STAT5A: variants seen among roughly 807,000 people sequenced by gnomAD.
STAT5A encodes the protein epididymis secretory sperm binding protein.
Under a neutral mutation model 100.2 loss-of-function variants are expected in STAT5A, and 26 were observed. The ratio of observed to expected loss-of-function variants is 0.26; its 90% CI spans 0.19 to 0.36. The LOEUF is 0.36. STAT5A is among the 10% of genes least tolerant of loss of function. STAT5A has a pLI of 1.00. For missense variants in STAT5A, 634 were observed against 1,027.5 expected, an observed-to-expected ratio of 0.62 and a Z score of 5.24; for synonymous variants, 330 against 424.3, an observed-to-expected ratio of 0.78 and a Z score of 2.73.
At chr17:42,297,897 G>A (rs961151709) in intron 5 of STAT5A, among the ~76,000 whole-genome samples, 1 of 151,860 alleles carries the variant, frequency 6.6e-6, no homozygotes, top group Non-Finnish European at 1.5e-5. Flanking sequence ...AGAGTGACGT[G>A]GCCCTCAGGG....
intron 1 of STAT5A, 81 bp from the exon 2 acceptor site, chr17:42,289,321 G>A (rs1187238436): frequency 2.8e-6 from 4 of 1,432,856 alleles, no homozygotes; most frequent in Non-Finnish European, 3.7e-6. Context: ...TCCAGGGATA[G>A]GTAGGCATGG....
At chr17:42,296,071 C>T in intron 5 of STAT5A, among the ~76,000 whole-genome samples, 1 of 152,170 alleles carries the variant, frequency 6.6e-6, no homozygotes, top group East Asian at 1.9e-4. Context: ...AGTAACTTGG[C>T]CTAGGTTGCC....
intron 15 of STAT5A, 39 bp downstream of exon 15, chr17:42,307,762 C>G (rs774883767): frequency 5.0e-6 from 8 of 1,602,336 alleles, no homozygotes; most frequent in African/African-American, 2.7e-5. Context: ...CCCCAAGGCC[C>G]GGTCTCTTGT....
Position 42,289,846 on chromosome 17 carries a change from C to G in STAT5A, c.129-20C>G, listed in dbSNP as rs778300178. 4 of 1,499,614 alleles carry G rather than the reference C, an allele frequency of 2.7e-6. No homozygotes were observed. Among genetic ancestry groups the G allele is most frequent in the Admixed American group, 2.4e-5 (1 of 41,714 alleles). The allele number at this position is 1,499,614 out of a possible 1,614,324, so 92.9% of individuals were successfully genotyped here. ...CAAGGAGGTGCCACAGTAGGTTTTTCTCTTCTGCCCTGCCCCAAGGGATGC... is the reference window on the plus strand; with the variant it reads ...CAAGGAGGTGCCACAGTAGGTTTTTGTCTTCTGCCCTGCCCCAAGGGATGC... On this transcript the variant is annotated intron_variant, in intron 2 of 18. Transcript: ENST00000590949.
At chr17:42,305,450 C>T (rs562821913) in intron 11 of STAT5A, among the ~76,000 whole-genome samples, 160 bp from the exon 12 acceptor site, 5 of 151,468 alleles carry the variant, frequency 3.3e-5, no homozygotes, top group African/African-American at 1.2e-4. Flanking sequence ...TGTGGTGAGC[C>T]GAGATTGCAC....
chr17:42,307,570 C>G (rs376982076), intron 14 of STAT5A, 23 bp from the exon 15 acceptor site: 284 of 1,613,930 alleles, frequency 1.8e-4, no homozygotes, highest in Non-Finnish European at 2.3e-4. Flanking sequence ...CCAGTGGTGA[C>G]GCTCAATGCT....
chr17:42,290,283 G>C (rs1231188331), intron 3 of STAT5A: 2 of 366,012 alleles, frequency 5.5e-6, no homozygotes, highest in Non-Finnish European at 9.7e-6. Context: ...CAGCAGAAGG[G>C]ATGGAGGGAG....
At chr17:42,301,581 C>T in intron 9 of STAT5A, 127 bp downstream of exon 9, 2 of 1,394,292 alleles carry the variant, frequency 1.4e-6, no homozygotes, top group Non-Finnish European at 1.9e-6. Context: ...GTCTCGAACT[C>T]CTGGACTCAT....
Position 42,307,670 on chromosome 17 carries a change from G to C in STAT5A, c.1853G>C (p.Arg618Pro). 6.2e-7 allele frequency: 1 copy of C among 1,614,062 alleles called. No homozygotes were observed. Among genetic ancestry groups the C allele is most frequent in the Non-Finnish European group, 8.5e-7 (1 of 1,180,016 alleles). ...INKPDGTFLL[R>P]FSDSEIGGIT... ...AAGCCCGACGGGACCTTCTTGTTGCGCTTTAGTGACTCAGAAATCGGGGGC... is the reference window on the plus strand; with the variant it reads ...AAGCCCGACGGGACCTTCTTGTTGCCCTTTAGTGACTCAGAAATCGGGGGC... The change falls in exon 15 of 19, where the codon CGC becomes CCC. Residue 618 changes from arginine to proline, a missense_variant. Physicochemically the swap from Arg to Pro is moderately radical, Grantham distance 103. Transcript: ENST00000590949.
At chr17:42,289,616 T>G in intron 2 of STAT5A, 77 bp downstream of exon 2, 2 of 1,549,270 alleles carry the variant, frequency 1.3e-6, no homozygotes, top group South Asian at 2.5e-5. Context: ...TTACTCATGG[T>G]GGTTTGGTGT....
intron 5 of STAT5A, among the ~76,000 whole-genome samples, chr17:42,298,573 G>A (rs1454005250): frequency 6.6e-6 from 1 of 150,866 alleles, no homozygotes; most frequent in Non-Finnish European, 1.5e-5. Context: ...CTGGGTTCAC[G>A]CCATTCTCCT....
intron 9 of STAT5A, among the ~76,000 whole-genome samples, chr17:42,302,951 T>TA (rs34899765): frequency 1.9e-3 from 222 of 116,182 alleles, no homozygotes; most frequent in Non-Finnish European, 2.2e-3. Context: ...AGACTCTGTT[T>TA]AAAAAAAAAA....
chr17:42,297,375 C>T (rs184927529), intron 5 of STAT5A, among the ~76,000 whole-genome samples: 4 of 152,222 alleles, frequency 2.6e-5, no homozygotes, highest in Admixed American at 2.0e-4. Context: ...CTTAGACTGT[C>T]GACAGTATTT....
chr17:42,288,214 T>C (rs1193763858), upstream of STAT5A: 2 of 152,178 alleles, frequency 1.3e-5, no homozygotes, highest in African/African-American at 4.8e-5. The surrounding 1 kb of genome is among the most constrained non-coding windows in gnomAD (Gnocchi z 4.8). Flanking sequence ...CCCCCGGCTA[T>C]TCTGACCCGC....
At chr17:42,305,548 G>A in intron 11 of STAT5A, 62 bp from the exon 12 acceptor site, 2 of 1,363,752 alleles carry the variant, frequency 1.5e-6, no homozygotes, top group Non-Finnish European at 2.1e-6. Flanking sequence ...TGGGCATGTT[G>A]CCTAAGCAGA....
intron 1 of STAT5A, 109 bp from the exon 2 acceptor site, chr17:42,289,293 G>A (rs1311734558): frequency 3.9e-6 from 5 of 1,277,168 alleles, no homozygotes; most frequent in East Asian, 2.8e-5. Flanking sequence ...GGAGGGGAGG[G>A]GCCTGGCCTG....
intron 3 of STAT5A, among the ~76,000 whole-genome samples, chr17:42,290,642 CA>C (rs2080861216): frequency 6.6e-6 from 1 of 152,116 alleles, no homozygotes; most frequent in African/African-American, 2.4e-5. Context: ...AGGGGGAAAA[CA>C]GGAGAAGCCT....
intron 13 of STAT5A, 113 bp from the exon 14 acceptor site, chr17:42,307,289 A>G (rs2081037975): frequency 2.0e-6 from 2 of 1,017,698 alleles, no homozygotes; most frequent in Admixed American, 2.0e-5. Context: ...TGTGGTGGCA[A>G]GCAGGGGTGA....
chr17:42,294,890 CCTCT>C (rs61077125), intron 4 of STAT5A, among the ~76,000 whole-genome samples: 2 of 147,470 alleles, frequency 1.4e-5, no homozygotes, highest in East Asian at 3.9e-4. Context: ...GGTTTCTACC[CCTCT>C]CTCTCTATTT....
Sources: gnomAD v4.1 joint callset for allele counts (sites outside exome capture counted in the v4.1 genomes callset) on GRCh38, gnomAD v4.1.1 for gene constraint, Gnocchi (gnomAD v3.1) non-coding constraint, MANE v1.5 for transcripts, NCBI Gene and HGNC (gene_info 2026-07-23, HGNC 2026-07-21) for gene names.